EYS: variants seen among roughly 807,000 people sequenced by gnomAD.
EYS encodes EGF-like photoreceptor maintenance factor, also known as protein eyes shut homolog.
A neutral mutation model predicts 282.1 loss-of-function variants in EYS; 250 were observed. The ratio of observed to expected loss-of-function variants is 0.89; its 90% CI spans 0.80 to 0.98. EYS has a LOEUF of 0.98. Ranked by LOEUF, EYS falls within the 50% of genes least tolerant of loss-of-function variation. The pLI is 0.00. For missense variants in EYS, 4,016 were observed against 3,709.0 expected, an observed-to-expected ratio of 1.08 and a Z score of -2.15; for synonymous variants, 1,355 against 1,282.9, an observed-to-expected ratio of 1.06 and a Z score of -1.20.
chr6:65,231,101 T>A (rs1171805780), intron 12 of EYS, among the ~76,000 whole-genome samples: 3 of 145,778 alleles, frequency 2.1e-5, no homozygotes, highest in Non-Finnish European at 3.0e-5. Context: ...ATATATACTT[T>A]TATATATATG....
At chr6:64,280,157 TTAAA>T (rs1227552709) in intron 30 of EYS, among the ~76,000 whole-genome samples, 5 of 152,194 alleles carry the variant, frequency 3.3e-5, no homozygotes, top group African/African-American at 1.2e-4. Context: ...GCATGTATTC[TTAAA>T]TAAAAATATC....
intron 22 of EYS, among the ~76,000 whole-genome samples, chr6:64,627,712 C>T (rs1160738546): frequency 6.6e-6 from 1 of 152,168 alleles, no homozygotes; most frequent in East Asian, 1.9e-4. Flanking sequence ...AATTTTAGAC[C>T]GTCCAGAATG....
chr6:64,981,144 C>T (rs753133797), intron 14 of EYS, among the ~76,000 whole-genome samples: 1 of 151,142 alleles, frequency 6.6e-6, no homozygotes, highest in South Asian at 2.1e-4. Context: ...TGATTTTAAT[C>T]CAGGCAATAT....
chr6:63,804,442 A>G (rs978007935), intron 37 of EYS, among the ~76,000 whole-genome samples: 1 of 152,244 alleles, frequency 6.6e-6, no homozygotes, highest in Non-Finnish European at 1.5e-5. Context: ...GACATTAAGT[A>G]ACTTGACACA....
At position 65,225,644 on chromosome 6, in the gene EYS, G is replaced by A. The variant is rs920308312; in HGVS notation, c.2023+70219C>T. On this transcript the variant is annotated intron_variant, in intron 12 of 42. Coordinates refer to ENST00000503581, the MANE Select transcript of EYS (RefSeq NM_001142800.2). ...CAGGAGAATTGCTTGAACCTGGGAGGTGGAGGTTGCAGTGAGCCAAGATTG... is the reference window on the plus strand; with the variant it reads ...CAGGAGAATTGCTTGAACCTGGGAGATGGAGGTTGCAGTGAGCCAAGATTG... Among the ~76,000 whole-genome samples, 5 of 151,400 alleles carry A rather than the reference G, an allele frequency of 3.3e-5. No homozygotes were observed. The South Asian group carries it at 6.2e-4, about 19-fold the overall frequency.
rs527808222 is a variant in EYS, at chr6:64,061,920, T to C, written c.6725+4418A>G. Among the ~76,000 whole-genome samples, 11 of 151,806 alleles carry C rather than the reference T, an allele frequency of 7.2e-5. No homozygotes were observed. In the South Asian group the frequency reaches 2.3e-3, roughly 32 times the overall value. On this transcript the variant is annotated intron_variant, in intron 33 of 42. Transcript: ENST00000503581. ...CAGGAGAATCACTTGAACCTGGAAG[T>C]TGGAGGTTGCAGTGGGAGCGTGGGC...
chr6:65,541,362 C>T (rs576787661), intron 2 of EYS, among the ~76,000 whole-genome samples: 5 of 152,170 alleles, frequency 3.3e-5, no homozygotes, highest in East Asian at 3.9e-4. Flanking sequence ...TTGAATTTTA[C>T]GAACATTTGT....
chr6:63,727,932 A>G (rs1206103711), intron 41 of EYS, among the ~76,000 whole-genome samples: 1 of 150,192 alleles, frequency 6.7e-6, no homozygotes, highest in Non-Finnish European at 1.5e-5. Flanking sequence ...TCGTAAAAAA[A>G]AAAAATGCTG....
chr6:64,521,286 A>G (rs936617147), intron 26 of EYS, among the ~76,000 whole-genome samples: 3 of 151,820 alleles, frequency 2.0e-5, no homozygotes, highest in Non-Finnish European at 4.4e-5. Flanking sequence ...AATTTAATTT[A>G]GTTTATCAGA....
At chr6:65,076,611 A>G (rs1774058823) in intron 12 of EYS, among the ~76,000 whole-genome samples, 1 of 151,942 alleles carries the variant, frequency 6.6e-6, no homozygotes, top group Non-Finnish European at 1.5e-5. Context: ...TCTAAATCCA[A>G]AATTTATAGA....
chr6:64,487,244 C>T (rs768008743), intron 26 of EYS, among the ~76,000 whole-genome samples: 12 of 150,960 alleles, frequency 7.9e-5, no homozygotes, highest in Non-Finnish European at 1.3e-4. Context: ...ATTACAGCCG[C>T]CACTTTATAT....
Position 65,694,147 on chromosome 6 carries a change from AC to A in EYS, c.-448+12987del, listed in dbSNP as rs1292946744. ...GCCTGTCTGTAATCCCAGCTACGCT[AC>A]TCAGGAGGCTGAGGCAGGAGAATTG... On this transcript the variant is annotated intron_variant, in intron 1 of 42. Coordinates refer to ENST00000503581, the MANE Select transcript of EYS (RefSeq NM_001142800.2). 3.3e-5 allele frequency among the ~76,000 whole-genome samples: 5 copies of A among 150,384 alleles called. 1 individual carries two copies. The East Asian group carries it at 1.1e-3, about 34-fold the overall frequency.
intron 22 of EYS, among the ~76,000 whole-genome samples, chr6:64,697,333 T>C (rs760052297): frequency 4.6e-5 from 7 of 151,994 alleles, no homozygotes; most frequent in Non-Finnish European, 4.4e-5. Context: ...AAGGGATCAA[T>C]ATAACAACCC....
intron 22 of EYS, among the ~76,000 whole-genome samples, chr6:64,671,094 C>T (rs1481009469): frequency 6.6e-6 from 1 of 152,170 alleles, no homozygotes; most frequent in African/African-American, 2.4e-5. Flanking sequence ...ATTTATTCTA[C>T]TTTCAAGTTC....
chr6:63,765,038 TC>T (rs1454213078), intron 40 of EYS, among the ~76,000 whole-genome samples: 2 of 150,670 alleles, frequency 1.3e-5, no homozygotes, highest in African/African-American at 5.0e-5. Flanking sequence ...CATATACTAC[TC>T]TGCCCTGAGG....
intron 22 of EYS, among the ~76,000 whole-genome samples, chr6:64,651,618 G>T (rs1343939609): frequency 2.0e-5 from 3 of 152,192 alleles, no homozygotes; most frequent in Non-Finnish European, 2.9e-5. Context: ...GGGAGGCAGA[G>T]GTTGCCATTA....
intron 33 of EYS, among the ~76,000 whole-genome samples, chr6:64,017,657 A>AT (rs958860209): frequency 5.9e-5 from 9 of 152,180 alleles, no homozygotes; most frequent in African/African-American, 2.2e-4. Flanking sequence ...TAGACAAACC[A>AT]TTTTTCTTTA....
chr6:63,783,081 A>G (rs967955312), intron 39 of EYS, among the ~76,000 whole-genome samples: 2 of 152,170 alleles, frequency 1.3e-5, no homozygotes, highest in South Asian at 2.1e-4. Flanking sequence ...AACTCACAAG[A>G]AACCGAAAGT....
chr6:65,435,436 C>G, intron 5 of EYS, among the ~76,000 whole-genome samples: 1 of 100,010 alleles, frequency 1.0e-5, no homozygotes, highest in African/African-American at 3.0e-5. Context: ...CAATAGATGT[C>G]TTTTTATGGG....
Sources: allele counts gnomAD v4.1 joint callset (sites outside exome capture counted in the v4.1 genomes callset), GRCh38; gene constraint gnomAD v4.1.1; transcripts MANE v1.5; gene names NCBI Gene and HGNC (gene_info 2026-07-23, HGNC 2026-07-21).